Variants in GRM5 observed in about 807,000 individuals in gnomAD.
The protein encoded by GRM5 is metabotropic glutamate receptor 5.
Under a neutral mutation model 83.1 loss-of-function variants are expected in GRM5, and 19 were observed. That is an observed-to-expected ratio of 0.23 (90% CI 0.16 to 0.34). The LOEUF is 0.34. GRM5 is among the 10% of genes least tolerant of loss of function. GRM5 has a pLI of 1.00. For missense variants in GRM5, 1,160 were observed against 1,588.3 expected (o/e 0.73, Z 4.58); for synonymous variants, 675 against 633.6 (o/e 1.07, Z -0.98).
chr11:89,052,338 G>A (rs7115031), intron 1 of GRM5, among the ~76,000 whole-genome samples: 98,888 of 151,948 alleles, frequency 0.65, 36,323 homozygotes, highest in Non-Finnish European at 0.82. Flanking sequence ...CTCTGCTGAG[G>A]GGCCAGATTT....
chr11:89,063,037 T>TC (rs1375516364), intron 1 of GRM5, among the ~76,000 whole-genome samples: 1 of 152,158 alleles, frequency 6.6e-6, no homozygotes, highest in Non-Finnish European at 1.5e-5. Context: ...CCACCCGCTG[T>TC]CCCCCCTCTT....
chr11:88,745,585 C>T (rs183822609), intron 3 of GRM5, among the ~76,000 whole-genome samples: 1 of 152,238 alleles, frequency 6.6e-6, no homozygotes, highest in Non-Finnish European at 1.5e-5. Context: ...CTTGTAACTT[C>T]TATCTTTTAT....
chr11:88,845,271 C>G (rs1944278500), intron 3 of GRM5, among the ~76,000 whole-genome samples: 1 of 151,090 alleles, frequency 6.6e-6, no homozygotes, highest in African/African-American at 2.4e-5. Flanking sequence ...AGGCAAGACC[C>G]TCAACTAGCA....
intron 3 of GRM5, among the ~76,000 whole-genome samples, chr11:88,717,568 C>G (rs990727930): frequency 6.6e-6 from 1 of 151,662 alleles, no homozygotes; most frequent in African/African-American, 2.4e-5. Flanking sequence ...ACTCTTCAGC[C>G]CATCTTTTGA....
chr11:89,049,925 A>T (rs1216984375), intron 1 of GRM5, among the ~76,000 whole-genome samples: 1 of 152,224 alleles, frequency 6.6e-6, no homozygotes. Flanking sequence ...ATTCTGCTGC[A>T]GACAAAAAGA....
At chr11:88,883,241 C>G (rs1427489604) in intron 2 of GRM5, among the ~76,000 whole-genome samples, 1 of 152,100 alleles carries the variant, frequency 6.6e-6, no homozygotes, top group African/African-American at 2.4e-5. Flanking sequence ...CAGAAGAGGA[C>G]AGAAAGATGT....
At chr11:88,766,624 G>T (rs116275935) in intron 3 of GRM5, among the ~76,000 whole-genome samples, 1 of 151,778 alleles carries the variant, frequency 6.6e-6, no homozygotes, top group Admixed American at 6.6e-5. Flanking sequence ...CTAGGCAATC[G>T]CATTCTGGAC....
rs187058002 is a variant in GRM5 at position 88,802,013 on chromosome 11, G to C, written c.911+47893C>G. ...TTCTCTGCACCAAGCAGAAACAAGC[G>C]TGGGGGAGGGAAATGTGGAGAAATG... On this transcript the variant is annotated intron_variant, in intron 3 of 9. Coordinates refer to ENST00000305447, the MANE Select transcript of GRM5 (RefSeq NM_001143831.3). Among the ~76,000 whole-genome samples, 341 of 152,196 alleles carry C rather than the reference G, an allele frequency of 2.2e-3. 3 individuals are homozygous for C. Among genetic ancestry groups the C allele is most frequent in the Admixed American group, 5.1e-3 (78 of 15,260 alleles).
intron 3 of GRM5, among the ~76,000 whole-genome samples, chr11:88,781,271 G>A (rs1942971130): frequency 6.6e-6 from 1 of 151,790 alleles, no homozygotes; most frequent in African/African-American, 2.4e-5. Context: ...ACGCATGTAT[G>A]TGATTATCAT....
intron 9 of GRM5, among the ~76,000 whole-genome samples, chr11:88,520,827 A>G (rs1338178674): frequency 6.6e-6 from 1 of 152,202 alleles, no homozygotes; most frequent in African/African-American, 2.4e-5. Context: ...AAATTCTCCA[A>G]GCCTTTATTA....
At chr11:88,728,174 A>G (rs974182916) in intron 3 of GRM5, among the ~76,000 whole-genome samples, 1 of 152,182 alleles carries the variant, frequency 6.6e-6, no homozygotes, top group African/African-American at 2.4e-5. Context: ...TAGACTCAAT[A>G]GAAAATGATA....
At chr11:88,835,418 C>A (rs917413981) in intron 3 of GRM5, among the ~76,000 whole-genome samples, 6 of 152,180 alleles carry the variant, frequency 3.9e-5, no homozygotes, top group African/African-American at 1.2e-4. Context: ...CATAAATTAA[C>A]CCATTGGTTA....
chr11:88,733,596 T>G (rs944488234), intron 3 of GRM5, among the ~76,000 whole-genome samples: 4 of 152,052 alleles, frequency 2.6e-5, no homozygotes, highest in African/African-American at 9.7e-5. Flanking sequence ...CAAGCTATTA[T>G]TTAAGCTATG....
At chr11:89,006,987 CG>C (rs1341895685) in intron 2 of GRM5, among the ~76,000 whole-genome samples, 3 of 152,070 alleles carry the variant, frequency 2.0e-5, no homozygotes, top group Non-Finnish European at 2.9e-5. Flanking sequence ...TTAGTAGAGA[CG>C]GGGTTTCACC....
intron 3 of GRM5, among the ~76,000 whole-genome samples, chr11:88,818,096 A>T (rs541520337): frequency 2.0e-5 from 3 of 152,216 alleles, no homozygotes; most frequent in African/African-American, 7.2e-5. Flanking sequence ...TATAAAATAT[A>T]AACATAAAAA....
At chr11:88,844,790 C>A (rs1326465889) in intron 3 of GRM5, among the ~76,000 whole-genome samples, 2 of 152,088 alleles carry the variant, frequency 1.3e-5, no homozygotes, top group Non-Finnish European at 2.9e-5. Context: ...CCAATACTTC[C>A]AGTCAAGGAA....
chr11:88,769,036 T>A (rs569701310), intron 3 of GRM5, among the ~76,000 whole-genome samples: 1 of 152,172 alleles, frequency 6.6e-6, no homozygotes, highest in East Asian at 1.9e-4. Context: ...TCTGTAAGAC[T>A]AGGCTAAAGA....
chr11:88,545,447 G>A (rs10831034), intron 8 of GRM5, among the ~76,000 whole-genome samples: 57,498 of 149,618 alleles, frequency 0.38, 13,444 homozygotes, highest in East Asian at 0.59. Flanking sequence ...ATTATCAAAT[G>A]CAGTTGGCCC....
chr11:88,521,713 G>A (rs1941695750), intron 9 of GRM5, among the ~76,000 whole-genome samples: 1 of 151,850 alleles, frequency 6.6e-6, no homozygotes, highest in Admixed American at 6.6e-5. Context: ...CAGACATGAG[G>A]TTAAAAAAAA....
Sources: gnomAD v4.1 joint callset for allele counts (sites outside exome capture counted in the v4.1 genomes callset) on GRCh38, gnomAD v4.1.1 for gene constraint, MANE v1.5 for transcripts, NCBI Gene and HGNC (gene_info 2026-07-23, HGNC 2026-07-21) for gene names.